NSD1: variants seen among roughly 807,000 people sequenced by gnomAD.
The protein encoded by NSD1 is histone-lysine N-methyltransferase, H3 lysine-36 specific.
In NSD1, 26 loss-of-function variants were observed where a neutral mutation model predicts 242.7. The observed-to-expected ratio is 0.11, with a 90% CI of 0.08 to 0.15. NSD1 has a LOEUF of 0.15. Among genes scored for constraint, NSD1 ranks in the 10% least tolerant of loss-of-function variants. The pLI, the probability that NSD1 is intolerant of heterozygous loss-of-function variation, is 1.00. For missense variants in NSD1, 2,495 were observed against 3,272.8 expected (o/e 0.76, Z 5.80); for synonymous variants, 1,106 against 1,178.1 (o/e 0.94, Z 1.25).
At chr5:177,138,043 C>G (rs1756483977) in intron 2 of NSD1, among the ~76,000 whole-genome samples, 1 of 151,318 alleles carries the variant, frequency 6.6e-6, no homozygotes, top group African/African-American at 2.4e-5. Context: ...CCATTGCACT[C>G]CATACTGGGA....
chr5:177,215,496 A>C (rs1415107194), intron 5 of NSD1, among the ~76,000 whole-genome samples: 2 of 151,246 alleles, frequency 1.3e-5, no homozygotes, highest in East Asian at 3.9e-4. Context: ...CTTTTGGATA[A>C]ATACCTAGAA....
At chr5:177,182,434 A>T (rs140250380) in intron 2 of NSD1, among the ~76,000 whole-genome samples, 2 of 152,270 alleles carry the variant, frequency 1.3e-5, no homozygotes, top group African/African-American at 4.8e-5. Flanking sequence ...AGCTCAGATG[A>T]TCATTTTTTA....
chr5:177,157,008 C>T (rs1758193365), intron 2 of NSD1, among the ~76,000 whole-genome samples: 1 of 152,068 alleles, frequency 6.6e-6, no homozygotes, highest in African/African-American at 2.4e-5. Context: ...ATACTAACTG[C>T]ATTAGCAAGA....
chr5:177,288,708 A>T, intron 20 of NSD1, 111 bp from the exon 21 acceptor site: 1 of 795,600 alleles, frequency 1.3e-6, no homozygotes, highest in South Asian at 1.4e-5. Flanking sequence ...TTAGAGCTAA[A>T]TTCTTTTTAA....
intron 17 of NSD1, among the ~76,000 whole-genome samples, chr5:177,274,371 G>T (rs1209371634): frequency 6.6e-6 from 1 of 152,144 alleles, no homozygotes; most frequent in East Asian, 1.9e-4. Flanking sequence ...AAAATAAAGA[G>T]ACAGTGGAGA....
At chr5:177,153,278 C>T (rs1297281031) in intron 2 of NSD1, among the ~76,000 whole-genome samples, 2 of 149,454 alleles carry the variant, frequency 1.3e-5, no homozygotes, top group African/African-American at 4.9e-5. Context: ...ATAGTTGGCT[C>T]TTGATGTACT....
intron 3 of NSD1, among the ~76,000 whole-genome samples, chr5:177,199,586 TTTC>T (rs1221937541): frequency 6.6e-6 from 1 of 150,626 alleles, no homozygotes; most frequent in Non-Finnish European, 1.5e-5. Context: ...AATATTTTCT[TTTC>T]TTTTCTTTTC....
chr5:177,215,675 G>T (rs953530828), intron 5 of NSD1, among the ~76,000 whole-genome samples: 11 of 150,984 alleles, frequency 7.3e-5, no homozygotes, highest in Non-Finnish European at 1.2e-4. Context: ...AAGTAGCTGG[G>T]ATTACAGTGG....
chr5:177,231,238 A>G (rs1211567596), intron 5 of NSD1, among the ~76,000 whole-genome samples: 1 of 151,892 alleles, frequency 6.6e-6, no homozygotes, highest in Admixed American at 6.6e-5. Flanking sequence ...GGCGCGTGCC[A>G]CCACACCTGG....
rs115463832 is a variant in NSD1 at position 177,189,789 on chromosome 5, C to A, written c.928-2095C>A. ...GCCAAATAAATCATATTTAAATAATCAAAAATCAAATTATATAATAAATTT... is the reference window on the plus strand; with the variant it reads ...GCCAAATAAATCATATTTAAATAATAAAAAATCAAATTATATAATAAATTT... On this transcript the variant is annotated intron_variant, in intron 2 of 22. Transcript: ENST00000439151. 5.7e-3 allele frequency among the ~76,000 whole-genome samples: 871 copies of A among 152,190 alleles called. 11 individuals are homozygous for A. Among genetic ancestry groups the A allele is most frequent in the African/African-American group, 0.02 (826 of 41,518 alleles).
chr5:177,167,498 G>A (rs1240953478), intron 2 of NSD1, among the ~76,000 whole-genome samples: 4 of 151,928 alleles, frequency 2.6e-5, no homozygotes, highest in Non-Finnish European at 5.9e-5. Context: ...TCGCGCCATT[G>A]CACTCCAGCC....
chr5:177,287,591 T>G lies in NSD1; in HGVS notation c.6152-1228T>G, dbSNP rs1350385872. 2.6e-5 allele frequency among the ~76,000 whole-genome samples: 4 copies of G among 151,946 alleles called. No homozygotes were observed. In the East Asian group the frequency reaches 7.7e-4, roughly 29 times the overall value. On this transcript the variant is annotated intron_variant, in intron 20 of 22. Transcript: ENST00000439151. ...GCGGAGGCTGCAGTGAGCCGGGATC[T>G]CACCACCTTACTCCAGCCTGGGCAA...
chr5:177,278,494 G>C (rs1758581137), intron 17 of NSD1, among the ~76,000 whole-genome samples: 1 of 152,128 alleles, frequency 6.6e-6, no homozygotes, highest in South Asian at 2.1e-4. Context: ...AGGGGAGTGG[G>C]CAAATAATAA....
At position 177,248,280 on chromosome 5, in the gene NSD1, G is replaced by A. The variant is rs1355852459; in HGVS notation, c.4597G>A (p.Gly1533Ser). ...GATGCCTGCCTCTAAAAAAATGCAGGGTGAACGCGGTGGAGGAGCTGCACT... is the reference window on the plus strand; with the variant it reads ...GATGCCTGCCTCTAAAAAAATGCAGAGTGAACGCGGTGGAGGAGCTGCACT... ...PGMPASKKMQ[G>S]ERGGGAALKE... Residue 1533 changes from glycine to serine, a missense_variant, in exon 11 of 23, where the codon GGT (glycine) becomes AGT (serine). Gly to Ser is a moderately conservative substitution (Grantham distance 56). Transcript: ENST00000439151. 6.2e-7 allele frequency: 1 copy of A among 1,614,014 alleles called. No individual in the cohort carries two copies. Among genetic ancestry groups the A allele is most frequent in the Admixed American group, 1.7e-5 (1 of 59,984 alleles).
At chr5:177,225,236 G>A (rs910033675) in intron 5 of NSD1, among the ~76,000 whole-genome samples, 3 of 151,518 alleles carry the variant, frequency 2.0e-5, no homozygotes, top group East Asian at 1.9e-4. Context: ...TCTGCCTCCC[G>A]GGTTCAAGTG....
At chr5:177,282,302 T>G (rs1758954117) in intron 18 of NSD1, among the ~76,000 whole-genome samples, 163 bp from the exon 19 acceptor site, 1 of 152,214 alleles carries the variant, frequency 6.6e-6, no homozygotes, top group Admixed American at 6.5e-5. Context: ...TTTCTCATTA[T>G]CAAATAGTTG....
intron 5 of NSD1, among the ~76,000 whole-genome samples, chr5:177,222,477 A>G (rs1764314374): frequency 1.3e-5 from 2 of 152,142 alleles, no homozygotes; most frequent in African/African-American, 4.8e-5. Context: ...GCAATGTATG[A>G]GGGTTCCACT....
intron 2 of NSD1, among the ~76,000 whole-genome samples, chr5:177,184,050 G>A (rs1418327874): frequency 2.6e-5 from 4 of 152,112 alleles, no homozygotes; most frequent in African/African-American, 9.7e-5. Flanking sequence ...TGAACACTTA[G>A]GTTATTTCCA....
In NSD1 at chr5:177,210,204, G is replaced by A. The variant is rs797045806; in HGVS notation, c.1805G>A (p.Cys602Tyr). The A allele has an allele frequency of 5.0e-6, 8 of 1,597,272 alleles. No individual in the cohort carries two copies. Among genetic ancestry groups the A allele is most frequent in the Non-Finnish European group, 8.5e-7 (1 of 1,172,602 alleles). ...CCTGAGGGTGCTTTGATCTCAAAGT[G>A]TTCTCGAGAGAAGAATAAACCCCAA... The part of the protein sequence containing the change: ...GLPEGALISK[C>Y]SREKNKPQRS... Residue 602 changes from cysteine (C) to tyrosine (Y), a missense_variant, in exon 5 of 23, where the codon TGT becomes TAT. By Grantham distance (194) the Cys-to-Tyr change is radical (BLOSUM62 -2). Coordinates refer to ENST00000439151, the MANE Select transcript of NSD1 (RefSeq NM_022455.5).
Sources: gnomAD v4.1 joint callset for allele counts (sites outside exome capture counted in the v4.1 genomes callset) on GRCh38, gnomAD v4.1.1 for gene constraint, MANE v1.5 for transcripts, NCBI Gene and HGNC (gene_info 2026-07-23, HGNC 2026-07-21) for gene names.